The following MCF2L2 variants were observed in gnomAD, a reference collection of about 807,000 sequenced individuals.
The protein encoded by MCF2L2 is probable guanine nucleotide exchange factor MCF2L2.
A neutral mutation model predicts 150.2 loss-of-function variants in MCF2L2; 102 were observed. The ratio of observed to expected loss-of-function variants is 0.68; its 90% CI spans 0.58 to 0.80. MCF2L2 has a LOEUF of 0.80. Among genes scored for constraint, MCF2L2 ranks in the 30% least tolerant of loss-of-function variants. MCF2L2 has a pLI of 0.00. For synonymous variants in MCF2L2, 465 were observed against 491.3 expected (o/e 0.95, Z 0.71); for missense variants, 1,256 against 1,372.8 (o/e 0.91, Z 1.34).
At chr3:183,361,972 T>C (rs964688588) in intron 3 of MCF2L2, among the ~76,000 whole-genome samples, 2 of 152,210 alleles carry the variant, frequency 1.3e-5, no homozygotes, top group African/African-American at 4.8e-5. Flanking sequence ...GTGTATAAAA[T>C]TACCTTCAGG....
intron 15 of MCF2L2, chr3:183,253,720 G>C (rs566196566): frequency 6.6e-6 from 1 of 152,344 alleles, no homozygotes; most frequent in Non-Finnish European, 1.5e-5. Flanking sequence ...CCGGTGTCCC[G>C]TGTGGGAGGA....
At chr3:183,423,508 G>A (rs1715991943) in intron 1 of MCF2L2, among the ~76,000 whole-genome samples, 1 of 151,982 alleles carries the variant, frequency 6.6e-6, no homozygotes. Context: ...TTAGAACAAT[G>A]ATAAGATCAA....
intron 1 of MCF2L2, among the ~76,000 whole-genome samples, chr3:183,394,681 G>C (rs1295310393): frequency 6.6e-6 from 1 of 152,222 alleles, no homozygotes; most frequent in Non-Finnish European, 1.5e-5. Context: ...AAAGCAGACA[G>C]AATAATTGTT....
chr3:183,348,375 G>A (rs1292544162), intron 3 of MCF2L2, among the ~76,000 whole-genome samples: 1 of 148,834 alleles, frequency 6.7e-6, no homozygotes, highest in Non-Finnish European at 1.5e-5. Context: ...ACACAGGGAG[G>A]GGAACATCAC....
At position 183,179,072 on chromosome 3, in the gene MCF2L2, G is replaced by T; in HGVS notation, c.*308C>A. The T allele has an allele frequency of 3.2e-6, 1 of 315,168 alleles. No homozygotes were observed. Among genetic ancestry groups the T allele is most frequent in the Non-Finnish European group, 5.8e-6 (1 of 173,538 alleles). 19.5% of individuals were successfully genotyped at this position (315,168 alleles called of 1,614,324 possible). ...CTAAACATCCTACCGTGGGAGCACA[G>T]AGAAGCCCACGCAGCAAAGAATTGC... is the stretch of plus-strand genomic sequence containing the variant. On this transcript the variant is annotated 3_prime_UTR_variant, in exon 30 of 30. Transcript: ENST00000328913. This position sits in a 1 kb window ranked among gnomAD's most constrained non-coding sequence, Gnocchi z 4.2.
intron 3 of MCF2L2, chr3:183,377,150 C>A (rs1174263094): frequency 6.6e-6 from 1 of 152,166 alleles, no homozygotes; most frequent in Non-Finnish European, 1.5e-5. Flanking sequence ...GGTTTTAAGA[C>A]CCGCATGCAT....
Position 183,313,057 on chromosome 3 carries a change from T to C in MCF2L2, c.754-1285A>G, listed in dbSNP as rs144472015. Among the ~76,000 whole-genome samples, 1,079 of 152,272 alleles carry C rather than the reference T, an allele frequency of 7.1e-3. 10 individuals are homozygous for C. The highest frequency in any genetic ancestry group is 0.024 in the African/African-American group (1,008 of 41,546). On this transcript the variant is annotated intron_variant, in intron 7 of 29. Transcript: ENST00000328913. Reference sequence around the variant, plus strand: ...TCAATGCTCATGAAATATTTGTAGGTTGGATAAATTAATAACAGCCTAAAA... The same window carrying C: ...TCAATGCTCATGAAATATTTGTAGGCTGGATAAATTAATAACAGCCTAAAA...
chr3:183,257,658 A>C (rs1012817202), intron 15 of MCF2L2, among the ~76,000 whole-genome samples: 1 of 152,170 alleles, frequency 6.6e-6, no homozygotes, highest in Non-Finnish European at 1.5e-5. Context: ...CCCTCTATCA[A>C]GTGTTGCTTC....
At chr3:183,231,397 T>G (rs1012895596) in intron 15 of MCF2L2, among the ~76,000 whole-genome samples, 3 of 140,116 alleles carry the variant, frequency 2.1e-5, no homozygotes, top group Non-Finnish European at 4.6e-5. Context: ...CCCCCTATAT[T>G]GTATACATTG....
At chr3:183,388,850 A>C (rs1713977083) in intron 2 of MCF2L2, among the ~76,000 whole-genome samples, 1 of 152,184 alleles carries the variant, frequency 6.6e-6, no homozygotes, top group South Asian at 2.1e-4. Context: ...TTTGGAGAAA[A>C]GAAAGAGATG....
chr3:183,180,507 C>T (rs1239524538), intron 27 of MCF2L2, among the ~76,000 whole-genome samples: 1 of 152,160 alleles, frequency 6.6e-6, no homozygotes, highest in African/African-American at 2.4e-5. Context: ...ACCCTCCCCT[C>T]CTTGCCTCCT....
chr3:183,219,434 A>T (rs1383746495), intron 21 of MCF2L2, among the ~76,000 whole-genome samples: 1 of 152,144 alleles, frequency 6.6e-6, no homozygotes, highest in Non-Finnish European at 1.5e-5. Context: ...AACATGGCGA[A>T]ACCCCGTCTC....
intron 1 of MCF2L2, among the ~76,000 whole-genome samples, chr3:183,407,603 CCAG>C (rs1475867355): frequency 2.0e-5 from 3 of 152,124 alleles, no homozygotes; most frequent in African/African-American, 7.2e-5. Flanking sequence ...CAGAAAATGA[CCAG>C]GAAACATGAT....
chr3:183,390,416 C>A (rs1714076635), intron 1 of MCF2L2, among the ~76,000 whole-genome samples: 1 of 152,146 alleles, frequency 6.6e-6, no homozygotes, highest in Non-Finnish European at 1.5e-5. Flanking sequence ...ATGCAAAAAT[C>A]CAATCCTTTC....
At chr3:183,381,014 C>T (rs1713495293) in intron 2 of MCF2L2, among the ~76,000 whole-genome samples, 1 of 151,962 alleles carries the variant, frequency 6.6e-6, no homozygotes, top group African/African-American at 2.4e-5. Context: ...TGCTTTTGGC[C>T]TAGGGGGGCC....
chr3:183,373,035 C>A (rs1712981824), intron 3 of MCF2L2: 1 of 152,202 alleles, frequency 6.6e-6, no homozygotes, highest in South Asian at 2.1e-4. Flanking sequence ...TTACTAATGT[C>A]TTTTCAGACC....
At chr3:183,422,837 A>C (rs1345441591) in intron 1 of MCF2L2, among the ~76,000 whole-genome samples, 2 of 152,144 alleles carry the variant, frequency 1.3e-5, no homozygotes, top group Non-Finnish European at 2.9e-5. Flanking sequence ...CTTTTAAAAT[A>C]ATTTTCACCA....
chr3:183,376,768 T>C (rs962876966), intron 3 of MCF2L2: 4 of 152,214 alleles, frequency 2.6e-5, no homozygotes, highest in Non-Finnish European at 1.5e-5. Context: ...TAGAGTCAGT[T>C]ACTTCTATAC....
At chr3:183,327,331 T>C (rs1164626476) in intron 5 of MCF2L2, among the ~76,000 whole-genome samples, 1 of 151,470 alleles carries the variant, frequency 6.6e-6, no homozygotes, top group Non-Finnish European at 1.5e-5. Flanking sequence ...TCTCAAAAAA[T>C]AAATAAAAAT....
Sources: gnomAD v4.1 joint callset for allele counts (sites outside exome capture counted in the v4.1 genomes callset) on GRCh38, gnomAD v4.1.1 for gene constraint, Gnocchi (gnomAD v3.1) non-coding constraint, MANE v1.5 for transcripts, NCBI Gene and HGNC (gene_info 2026-07-23, HGNC 2026-07-21) for gene names.